Variants in IL1R2 observed in about 807,000 individuals in gnomAD.
IL1R2 encodes the protein interleukin 1 receptor type 2.
In IL1R2, 46 loss-of-function variants were observed where a neutral mutation model predicts 39.5. That is an observed-to-expected ratio of 1.16 (90% confidence interval 0.92 to 1.49). The LOEUF (loss-of-function observed/expected upper bound fraction) is 1.49. Among genes scored for constraint, IL1R2 ranks in the 40% most tolerant of loss-of-function variants. The probability of loss-of-function intolerance (pLI) is 0.00; values close to 1 mark genes in which losing one functional copy is unlikely to be tolerated. For missense variants in IL1R2, 537 were observed against 502.0 expected (o/e 1.07, Z -0.67); for synonymous variants, 207 against 189.6 (o/e 1.09, Z -0.75).
At chr2:101,992,678 CA>C (rs1226088809) in intron 1 of IL1R2, among the ~76,000 whole-genome samples, 1 of 150,868 alleles carries the variant, frequency 6.6e-6, no homozygotes, top group Non-Finnish European at 1.5e-5. Flanking sequence ...GAAAGGCAGA[CA>C]GAGACAGAGA....
chr2:102,013,562 G>GAAAAAAAA (rs1559421451), intron 3 of IL1R2, among the ~76,000 whole-genome samples: 1 of 36,128 alleles, frequency 2.8e-5, no homozygotes, highest in Non-Finnish European at 5.2e-5. Flanking sequence ...AGGAAAGAAA[G>GAAAAAAAA]AAAAGAAAAG....
rs1352240414 is a variant in IL1R2 at position 102,009,549 on chromosome 2, C to G, written c.68-13C>G. The G allele has an allele frequency of 2.0e-5, 32 of 1,612,402 alleles. No individual in the cohort carries two copies. Among genetic ancestry groups the G allele is most frequent in the Non-Finnish European group, 2.7e-5 (32 of 1,179,022 alleles). ...TGGACCCAAAGCCTGACCATGGGCT[C>G]TCTGTCCTTCAGGGGCTGCCAGAAG... On this transcript the variant is annotated splice_polypyrimidine_tract_variant and intron_variant, in intron 2 of 8. Transcript: ENST00000332549.
In IL1R2 at chr2:102,026,405, T is replaced by A. The variant is rs3218981; in HGVS notation, c.1030+152T>A. On this transcript the variant is annotated intron_variant, in intron 8 of 8. Transcript: ENST00000332549. ...GAGCTGAAAAGAAACCTCCCATTTT[T>A]AAAGAGTTTTGGTAGGGTGGAGGCT... is the stretch of plus-strand genomic sequence containing the variant. 1.3e-3 allele frequency: 852 copies of A among 651,798 alleles called. 7 individuals are homozygous for A. The African/African-American group carries it at 0.014, about 11-fold the overall frequency. 40.4% of individuals were successfully genotyped at this position (651,798 alleles called of 1,614,324 possible). A position where few individuals can be genotyped will look rare whatever the true frequency, so the allele number is the denominator to read the frequency against.
At position 102,024,534 on chromosome 2, in the gene IL1R2, G is replaced by A. The variant is rs761895256; in HGVS notation, c.753G>A (p.Gly251=). The A allele has an allele frequency of 6.2e-7, 1 of 1,613,746 alleles. No homozygotes were observed. The highest frequency in any genetic ancestry group is 1.7e-5 in the Admixed American group (1 of 60,020). The part of the protein sequence containing the change: ...SPLKTISASL[G]SRLTIPCKVF... ...CGTGCTGTGCCTTGCCATCCACAGG[G>A]TCAAGACTGACAATCCCGTGTAAGG... Residue 251 remains glycine, a splice_region_variant and synonymous_variant, in exon 7 of 9, where the codon GGG becomes GGA. Transcript: ENST00000332549.
At chr2:101,998,818 T>C (rs61195359) in intron 1 of IL1R2, among the ~76,000 whole-genome samples, 1,815 of 152,288 alleles carry the variant, frequency 0.012, 37 homozygotes, top group African/African-American at 0.042. Context: ...AAGCACCCCT[T>C]GGAAACCAGG....
intron 1 of IL1R2, among the ~76,000 whole-genome samples, chr2:102,006,813 C>T (rs3218841): frequency 1.0e-3 from 157 of 152,310 alleles, no homozygotes; most frequent in African/African-American, 3.6e-3. Flanking sequence ...TGCCGATGGC[C>T]GGGTGGGGCA....
chr2:102,022,566 C>G (rs1383155137), intron 6 of IL1R2, among the ~76,000 whole-genome samples: 1 of 152,212 alleles, frequency 6.6e-6, no homozygotes, highest in Non-Finnish European at 1.5e-5. Flanking sequence ...AGAAGATGAA[C>G]AGCATGAACC....
chr2:102,010,493 G>A (rs553378517), intron 3 of IL1R2, among the ~76,000 whole-genome samples: 5 of 151,758 alleles, frequency 3.3e-5, no homozygotes, highest in East Asian at 1.9e-4. Flanking sequence ...GGAGAATGGC[G>A]TGAACCCAGG....
intron 3 of IL1R2, among the ~76,000 whole-genome samples, chr2:102,012,982 G>A (rs1387069708): frequency 6.6e-6 from 1 of 152,130 alleles, no homozygotes; most frequent in Non-Finnish European, 1.5e-5. Flanking sequence ...GGTTATGTGA[G>A]ATCACAGAAT....
rs3218975 is a variant in IL1R2 at position 102,024,524 on chromosome 2, C to T, written c.752-9C>T. 5.0e-4 allele frequency: 801 copies of T among 1,605,966 alleles called. 4 individuals are homozygous for T. The African/African-American group carries it at 9.5e-3, about 19-fold the overall frequency. ...CTGCAGTTGACGTGCTGTGCCTTGCCATCCACAGGGTCAAGACTGACAATC... is the reference window on the plus strand; with the variant it reads ...CTGCAGTTGACGTGCTGTGCCTTGCTATCCACAGGGTCAAGACTGACAATC... On this transcript the variant is annotated splice_polypyrimidine_tract_variant and intron_variant, in intron 6 of 8. Coordinates refer to ENST00000332549, the MANE Select transcript of IL1R2 (RefSeq NM_004633.4).
At chr2:102,027,948 C>T (rs1677833350) in intron 8 of IL1R2, among the ~76,000 whole-genome samples, 1 of 152,176 alleles carries the variant, frequency 6.6e-6, no homozygotes, top group African/African-American at 2.4e-5. Context: ...GCACAGTGTC[C>T]CACTGTTGGA....
intron 4 of IL1R2, among the ~76,000 whole-genome samples, chr2:102,018,983 A>C (rs1677186655): frequency 6.6e-6 from 1 of 152,208 alleles, no homozygotes; most frequent in African/African-American, 2.4e-5. Flanking sequence ...AACGTTGAAT[A>C]ATCATGATTT....
chr2:102,012,397 C>T (rs1335803409), intron 3 of IL1R2, among the ~76,000 whole-genome samples: 5 of 152,146 alleles, frequency 3.3e-5, no homozygotes, highest in East Asian at 3.9e-4. Flanking sequence ...GAAAAAGAAC[C>T]GGAGAAGTGA....
At chr2:102,006,198 A>G (rs1013209074) in intron 1 of IL1R2, among the ~76,000 whole-genome samples, 5 of 152,140 alleles carry the variant, frequency 3.3e-5, no homozygotes, top group African/African-American at 1.2e-4. Context: ...TTGGACCAGT[A>G]TAGTTGGGGA....
intron 1 of IL1R2, among the ~76,000 whole-genome samples, chr2:101,998,151 T>A (rs1367955204): frequency 6.6e-6 from 1 of 152,240 alleles, no homozygotes; most frequent in Non-Finnish European, 1.5e-5. Flanking sequence ...AAGAGGAGTT[T>A]GAACAAAATT....
chr2:101,997,735 C>A (rs554685882), intron 1 of IL1R2, among the ~76,000 whole-genome samples: 1 of 152,186 alleles, frequency 6.6e-6, no homozygotes, highest in Non-Finnish European at 1.5e-5. Context: ...TTCTTTAGTG[C>A]CCCTTACTTC....
intron 2 of IL1R2, 71 bp from the exon 3 acceptor site, chr2:102,009,491 G>A (rs1559418139): frequency 2.6e-6 from 4 of 1,520,206 alleles, no homozygotes; most frequent in Non-Finnish European, 2.7e-6. Context: ...ATCAGTCCCA[G>A]GTGCAGGGAG....
intron 1 of IL1R2, among the ~76,000 whole-genome samples, chr2:102,008,257 CA>C (rs1360229242): frequency 6.6e-6 from 1 of 152,228 alleles, no homozygotes; most frequent in Middle Eastern, 3.2e-3. Flanking sequence ...GAGGTCTCTG[CA>C]GAGACAGCAG....
In IL1R2 at chr2:102,015,302, G is replaced by A. The variant is rs555895058; in HGVS notation, c.333-569G>A. Among the ~76,000 whole-genome samples, 61 of 152,240 alleles carry A rather than the reference G, an allele frequency of 4.0e-4. 1 individual carries two copies. The South Asian group carries it at 8.9e-3, about 22-fold the overall frequency. Reference sequence around the variant, plus strand: ...AATGAACCTTGGTGGCATTAGAATCGGGCTTGTAGACAGTCCTTTGTGAAA... The same window carrying A: ...AATGAACCTTGGTGGCATTAGAATCAGGCTTGTAGACAGTCCTTTGTGAAA... On this transcript the variant is annotated intron_variant, in intron 3 of 8. Transcript: ENST00000332549.
Sources: allele counts gnomAD v4.1 joint callset (sites outside exome capture counted in the v4.1 genomes callset), GRCh38; gene constraint gnomAD v4.1.1; transcripts MANE v1.5; gene names NCBI Gene and HGNC (gene_info 2026-07-23, HGNC 2026-07-21).